Variants in EIF5A2 observed in about 807,000 individuals in gnomAD.
The protein encoded by EIF5A2 is eukaryotic translation initiation factor 5A2.
In EIF5A2, 15 loss-of-function variants were observed where a neutral mutation model predicts 16.4. That is an observed-to-expected ratio of 0.92 (90% CI 0.61 to 1.41). EIF5A2 has a LOEUF of 1.41. Ranked by LOEUF, EIF5A2 falls within the 40% of genes most tolerant of loss-of-function variation. The probability of loss-of-function intolerance (pLI) is 0.00; values close to 1 mark genes in which losing one functional copy is unlikely to be tolerated. For missense variants in EIF5A2, 144 were observed against 189.5 expected (o/e 0.76, Z 1.41); for synonymous variants, 48 against 61.1 (o/e 0.79, Z 1.00).
rs1712477787 is a variant in EIF5A2 at position 170,889,543 on chromosome 3, A to G, written c.*3817T>C. Reference sequence around the variant, plus strand: ...AAAGGCTTGAAAACTATGAAATATTATGCCTAACTGATGTTAAAATGAGAG... The same window carrying G: ...AAAGGCTTGAAAACTATGAAATATTGTGCCTAACTGATGTTAAAATGAGAG... On this transcript the variant is annotated 3_prime_UTR_variant, in exon 5 of 5. Transcript: ENST00000295822. 3 of 152,546 alleles carry G rather than the reference A, an allele frequency of 2.0e-5. No individual in the cohort carries two copies. Among genetic ancestry groups the G allele is most frequent in the African/African-American group, 7.2e-5 (3 of 41,466 alleles). 9.4% of individuals were successfully genotyped at this position (152,546 alleles called of 1,614,324 possible).
intron 4 of EIF5A2, 21 bp from the exon 5 acceptor site, chr3:170,893,440 AAAACGTT>A (rs771269454): frequency 6.2e-7 from 1 of 1,613,472 alleles, no homozygotes; most frequent in Admixed American, 1.7e-5. Flanking sequence ...AAAAGCAGGC[AAAACGTT>A]ATTCAGAAGA....
At position 170,891,876 on chromosome 3, in the gene EIF5A2, A is replaced by G. The variant is rs973651791; in HGVS notation, c.*1484T>C. 1.0e-4 allele frequency: 16 copies of G among 152,620 alleles called. No individual in the cohort carries two copies. The highest frequency in any genetic ancestry group is 3.4e-4 in the African/African-American group (14 of 41,454). The allele number at this position is 152,620 out of a possible 1,614,324, so 9.5% of individuals were successfully genotyped here. On this transcript the variant is annotated 3_prime_UTR_variant, in exon 5 of 5. Coordinates refer to ENST00000295822, the MANE Select transcript of EIF5A2 (RefSeq NM_020390.6). ...CCTAAAATACCTTTTAAAATAATTC[A>G]GTTTATAGAATTATTTGCTAGTTAT...
At chr3:170,904,889 G>T (rs1248649566) in intron 3 of EIF5A2, among the ~76,000 whole-genome samples, 2 of 152,136 alleles carry the variant, frequency 1.3e-5, no homozygotes, top group Non-Finnish European at 2.9e-5. Flanking sequence ...GCTTTATAAA[G>T]AAAGAAATGG....
At chr3:170,898,564 C>T (rs1712729504) in intron 3 of EIF5A2, among the ~76,000 whole-genome samples, 1 of 152,148 alleles carries the variant, frequency 6.6e-6, no homozygotes, top group South Asian at 2.1e-4. Flanking sequence ...TCACCTTCCT[C>T]CATGATTGTA....
chr3:170,900,288 A>G (rs2108294653), intron 3 of EIF5A2, among the ~76,000 whole-genome samples: 1 of 148,830 alleles, frequency 6.7e-6, no homozygotes, highest in South Asian at 2.1e-4. Context: ...CATCACTTGA[A>G]CCCAGGAAGC....
At position 170,892,864 on chromosome 3, in the gene EIF5A2, A is replaced by G. The variant is rs1239086959; in HGVS notation, c.*496T>C. 2 of 399,016 alleles carry G rather than the reference A, an allele frequency of 5.0e-6. No individual in the cohort carries two copies. The highest frequency in any genetic ancestry group is 1.3e-4 in the South Asian group (1 of 7,860). 24.7% of individuals were successfully genotyped at this position (399,016 alleles called of 1,614,324 possible). On this transcript the variant is annotated 3_prime_UTR_variant, in exon 5 of 5. Coordinates refer to ENST00000295822, the MANE Select transcript of EIF5A2 (RefSeq NM_020390.6). The stretch of plus-strand genomic sequence containing the variant: ...CCAAAATAACTGACAGTTTTTGATA[A>G]CATGATTTTTGTTTAAGGATTTGTG...
chr3:170,895,933 C>T (rs1246309037), intron 3 of EIF5A2, among the ~76,000 whole-genome samples: 1 of 152,190 alleles, frequency 6.6e-6, no homozygotes, highest in African/African-American at 2.4e-5. Flanking sequence ...CTTTAGCCTT[C>T]CAAGGAGCTG....
chr3:170,895,821 G>A (rs1712655960), intron 3 of EIF5A2, among the ~76,000 whole-genome samples: 2 of 152,150 alleles, frequency 1.3e-5, no homozygotes, highest in African/African-American at 4.8e-5. Flanking sequence ...GGAGGTTGAG[G>A]TAGAAGTGTA....
At position 170,907,695 on chromosome 3, in the gene EIF5A2, A is replaced by G. The variant is rs769564151; in HGVS notation, c.112T>C (p.Cys38Arg). 1.9e-5 allele frequency: 30 copies of G among 1,610,602 alleles called. No individual in the cohort carries two copies. The highest frequency in any genetic ancestry group is 8.5e-7 in the Non-Finnish European group (1 of 1,177,288). The change falls in exon 2 of 5, where the codon TGC becomes CGC. Residue 38 changes from cysteine (C) to arginine (R), a missense_variant. Physicochemically the swap from Cys to Arg is radical, Grantham distance 180. Coordinates refer to ENST00000295822, the MANE Select transcript of EIF5A2 (RefSeq NM_020390.6). ...NGFVVLKGRPCKIVEMSTSKT... is the reference protein window; with the variant it reads ...NGFVVLKGRPRKIVEMSTSKT... ...GAAGTTGACATCTCCACTATTTTGC[A>G]TGGTCGTCCTTTGAGCACCACGAAG...
At chr3:170,906,253 A>T (rs926156773) in intron 3 of EIF5A2, among the ~76,000 whole-genome samples, 2 of 152,196 alleles carry the variant, frequency 1.3e-5, no homozygotes, top group African/African-American at 2.4e-5. Context: ...AGCTTTAGTT[A>T]TAAGTAATCT....
At chr3:170,907,597 A>C (rs1446249659) in intron 2 of EIF5A2, 45 bp downstream of exon 2, 1 of 1,503,440 alleles carries the variant, frequency 6.7e-7, no homozygotes, top group Admixed American at 2.0e-5. Context: ...CAAATGATCA[A>C]AGTCCCAACG....
Position 170,907,137 on chromosome 3 carries a change from T to C in EIF5A2, c.166-44A>G, listed in dbSNP as rs202046904. 6 of 1,283,590 alleles carry C rather than the reference T, an allele frequency of 4.7e-6. No individual in the cohort carries two copies. In the African/African-American group the frequency reaches 5.9e-5, roughly 13 times the overall value. The allele number at this position is 1,283,590 out of a possible 1,614,324, so 79.5% of individuals were successfully genotyped here. On this transcript the variant is annotated intron_variant, in intron 2 of 4. Transcript: ENST00000295822. ...AAACCTGTTTAATCTCTGCCAAGTA[T>C]ATCACTCATTACACACACAAGAGCA... is the stretch of plus-strand genomic sequence containing the variant.
At chr3:170,897,003 T>TG (rs1387911046) in intron 3 of EIF5A2, among the ~76,000 whole-genome samples, 1 of 152,226 alleles carries the variant, frequency 6.6e-6, no homozygotes, top group Non-Finnish European at 1.5e-5. Context: ...GCAAAGAGAC[T>TG]GGCAGCATTT....
chr3:170,907,181 C>A, intron 2 of EIF5A2, 88 bp from the exon 3 acceptor site: 1 of 768,532 alleles, frequency 1.3e-6, no homozygotes, highest in South Asian at 2.4e-5. Context: ...ATGCTGATTA[C>A]AACAGATTCT....
chr3:170,894,984 C>G (rs1474958593), intron 3 of EIF5A2, among the ~76,000 whole-genome samples: 4 of 148,768 alleles, frequency 2.7e-5, no homozygotes, highest in Non-Finnish European at 5.9e-5. Flanking sequence ...CAAGATCGTG[C>G]CCCTGCACTC....
At chr3:170,907,193 T>C in intron 2 of EIF5A2, 100 bp from the exon 3 acceptor site, 1 of 688,048 alleles carries the variant, frequency 1.5e-6, no homozygotes, top group Non-Finnish European at 2.3e-6. Context: ...ACAGATTCTT[T>C]TTCTCCTCCT....
chr3:170,898,418 TG>T (rs1484487192), intron 3 of EIF5A2, among the ~76,000 whole-genome samples: 3 of 152,178 alleles, frequency 2.0e-5, no homozygotes, highest in Non-Finnish European at 1.5e-5. Context: ...GATTGGATCA[TG>T]GGGGCAGTTT....
At chr3:170,895,700 T>A (rs933051135) in intron 3 of EIF5A2, among the ~76,000 whole-genome samples, 4 of 152,198 alleles carry the variant, frequency 2.6e-5, no homozygotes, top group African/African-American at 9.7e-5. Flanking sequence ...AGTTTTTATA[T>A]GTCTAGAAAT....
chr3:170,888,687 A>C lies in EIF5A2; in HGVS notation c.*4673T>G, dbSNP rs548627454. 2.3e-4 allele frequency: 35 copies of C among 152,758 alleles called. No individual in the cohort carries two copies. The South Asian group carries it at 7.2e-3, about 32-fold the overall frequency. 9.5% of individuals were successfully genotyped at this position (152,758 alleles called of 1,614,324 possible). On this transcript the variant is annotated 3_prime_UTR_variant, in exon 5 of 5. Coordinates refer to ENST00000295822, the MANE Select transcript of EIF5A2 (RefSeq NM_020390.6). ...GCAATAGTTCTCCTGTATCTAAGAA[A>C]AAAAAATGTATTACTAAAAAAGTGC...
Sources: gnomAD v4.1 joint callset for allele counts (sites outside exome capture counted in the v4.1 genomes callset) on GRCh38, gnomAD v4.1.1 for gene constraint, MANE v1.5 for transcripts, NCBI Gene and HGNC (gene_info 2026-07-23, HGNC 2026-07-21) for gene names.